The following DDAH1 variants were observed in gnomAD, a reference collection of about 807,000 sequenced individuals.
DDAH1 encodes the protein dimethylarginine dimethylaminohydrolase 1.
DDAH1 carries 19 observed loss-of-function variants against 28.8 expected under a neutral mutation model. The ratio of observed to expected loss-of-function variants is 0.66; its 90% CI spans 0.46 to 0.97. DDAH1 has a LOEUF of 0.97. Among genes scored for constraint, DDAH1 ranks in the 50% least tolerant of loss-of-function variants. The probability of loss-of-function intolerance (pLI) is 0.00; values close to 1 mark genes in which losing one functional copy is unlikely to be tolerated. For missense variants in DDAH1, 326 were observed against 375.9 expected (o/e 0.87, Z 1.10); for synonymous variants, 153 against 154.4 (o/e 0.99, Z 0.07).
chr1:85,372,069 T>C lies in DDAH1; in HGVS notation c.304-13222A>G, dbSNP rs536355652. 8.5e-5 allele frequency among the ~76,000 whole-genome samples: 13 copies of C among 152,194 alleles called. No homozygotes were observed. In the South Asian group the frequency reaches 2.5e-3, roughly 29 times the overall value. On this transcript the variant is annotated intron_variant, in intron 1 of 5. Transcript: ENST00000284031. ...GTGTTATTAAAGCCTTCATTAGAGATGGTTGTGAAAGGCCCTAGTCAGGAT... is the reference window on the plus strand; with the variant it reads ...GTGTTATTAAAGCCTTCATTAGAGACGGTTGTGAAAGGCCCTAGTCAGGAT...
intron 1 of DDAH1, among the ~76,000 whole-genome samples, chr1:85,511,058 C>T (rs1657207970): frequency 6.6e-6 from 1 of 152,210 alleles, no homozygotes; most frequent in African/African-American, 2.4e-5. Context: ...TTCTTCTCAG[C>T]ACCATATCGC....
chr1:85,341,730 G>A (rs1340255944), intron 4 of DDAH1, among the ~76,000 whole-genome samples: 1 of 152,026 alleles, frequency 6.6e-6, no homozygotes, highest in East Asian at 1.9e-4. Flanking sequence ...GAAGAATGGC[G>A]TGAACCCGGG....
At chr1:85,452,932 C>T (rs1168499766) in intron 1 of DDAH1, among the ~76,000 whole-genome samples, 3 of 152,278 alleles carry the variant, frequency 2.0e-5, no homozygotes, top group Middle Eastern at 3.4e-3. Flanking sequence ...CACAATACCA[C>T]CAAGCATTCA....
intron 1 of DDAH1, among the ~76,000 whole-genome samples, chr1:85,529,721 G>C (rs1455702080): frequency 1.4e-5 from 2 of 143,990 alleles, no homozygotes; most frequent in African/African-American, 5.2e-5. Context: ...GGCCAGGCAG[G>C]GTGCTATCCT....
At chr1:85,503,260 A>G (rs977095519) in intron 1 of DDAH1, among the ~76,000 whole-genome samples, 2 of 152,156 alleles carry the variant, frequency 1.3e-5, no homozygotes, top group Admixed American at 6.6e-5. Context: ...GCTGGAGTGC[A>G]ATGGTGTGGT....
intron 1 of DDAH1, among the ~76,000 whole-genome samples, chr1:85,390,108 C>T (rs1483413179): frequency 6.6e-6 from 1 of 152,144 alleles, no homozygotes; most frequent in Non-Finnish European, 1.5e-5. Context: ...AAGCCCAGTC[C>T]TGCCTCAGTG....
At chr1:85,333,943 A>G (rs1570387599) in intron 4 of DDAH1, among the ~76,000 whole-genome samples, 1 of 152,232 alleles carries the variant, frequency 6.6e-6, no homozygotes, top group Admixed American at 6.5e-5. Flanking sequence ...AGATTCCAAA[A>G]TAGATACAAC....
At chr1:85,384,755 AG>A (rs1651166345) in intron 1 of DDAH1, among the ~76,000 whole-genome samples, 2 of 152,240 alleles carry the variant, frequency 1.3e-5, no homozygotes, top group South Asian at 4.1e-4. Context: ...TTAAACAATG[AG>A]GAACAACATT....
chr1:85,434,064 T>C (rs940369978), intron 1 of DDAH1, among the ~76,000 whole-genome samples: 1 of 152,318 alleles, frequency 6.6e-6, no homozygotes, highest in African/African-American at 2.4e-5. Flanking sequence ...TCAAAGTGAT[T>C]GATTTTTCCT....
At chr1:85,477,562 CA>C (rs1655844628) in intron 2 of DDAH1, among the ~76,000 whole-genome samples, 1 of 152,042 alleles carries the variant, frequency 6.6e-6, no homozygotes, top group Non-Finnish European at 1.5e-5. Context: ...GATTAACTCA[CA>C]CCAAGATTAT....
intron 1 of DDAH1, among the ~76,000 whole-genome samples, chr1:85,455,516 C>A (rs1654846287): frequency 6.6e-6 from 1 of 152,082 alleles, no homozygotes; most frequent in Admixed American, 6.6e-5. Context: ...AGAAAACTAA[C>A]AGTTCAGCAT....
At position 85,465,024 on chromosome 1, in the gene DDAH1, C is replaced by G; in HGVS notation, c.22G>C (p.Ala8Pro). The G allele has an allele frequency of 7.5e-7, 1 of 1,325,506 alleles. No homozygotes were observed. The highest frequency in any genetic ancestry group is 2.0e-5 in the South Asian group (1 of 48,794). 82.1% of individuals were successfully genotyped at this position (1,325,506 alleles called of 1,614,324 possible). The change falls in exon 1 of 6, where the codon GCC becomes CCC. Residue 8 changes from alanine (A) to proline (P), a missense_variant. Coordinates refer to ENST00000284031, the MANE Select transcript of DDAH1 (RefSeq NM_012137.4). ...GCGTGGGTGGCCCGGCCGAAGGCGG[C>G]GGGGTGGCCGAGCCCGGCCATGGCT... MAGLGHPAAFGRATHAVV... is the reference protein window; with the variant it reads MAGLGHPPAFGRATHAVV...
chr1:85,396,089 A>G (rs946137319), intron 1 of DDAH1, among the ~76,000 whole-genome samples: 2 of 152,174 alleles, frequency 1.3e-5, no homozygotes, highest in African/African-American at 4.8e-5. Flanking sequence ...TATTTTAATT[A>G]TCATTGTGGC....
chr1:85,434,097 T>A (rs912085495), intron 1 of DDAH1, among the ~76,000 whole-genome samples: 14 of 152,212 alleles, frequency 9.2e-5, no homozygotes, highest in Non-Finnish European at 1.8e-4. Flanking sequence ...TTGTTCCACT[T>A]ACACTGTTTC....
At position 85,321,437 on chromosome 1, in the gene DDAH1, G is replaced by C. The variant is rs199952327; in HGVS notation, c.*15C>G. 1.6e-4 allele frequency: 257 copies of C among 1,581,100 alleles called. No individual in the cohort carries two copies. The African/African-American group carries it at 3.1e-3, about 19-fold the overall frequency. On this transcript the variant is annotated 3_prime_UTR_variant, in exon 6 of 6. Transcript: ENST00000284031. ...CCTGTGCGGTCTTGCCGGCTACCGG[G>C]GGGGACTCTGCAGCTCAGGAGTCTA...
chr1:85,364,498 T>A (rs2100870405), intron 1 of DDAH1, among the ~76,000 whole-genome samples: 1 of 152,272 alleles, frequency 6.6e-6, no homozygotes, highest in African/African-American at 2.4e-5. Context: ...TGGAGATGCC[T>A]TAGGTTTGTT....
intron 1 of DDAH1, among the ~76,000 whole-genome samples, chr1:85,497,157 G>T (rs1570609619): frequency 6.6e-6 from 1 of 152,126 alleles, no homozygotes; most frequent in Admixed American, 6.5e-5. Context: ...CAACTGGAAG[G>T]CCAGCCACAG....
At chr1:85,421,504 T>C (rs972587719) in intron 1 of DDAH1, among the ~76,000 whole-genome samples, 1 of 152,172 alleles carries the variant, frequency 6.6e-6, no homozygotes, top group Admixed American at 6.6e-5. Flanking sequence ...TTATTCTTTG[T>C]GCTGTGAAGT....
chr1:85,324,692 C>G (rs778986581), intron 5 of DDAH1, 48 bp downstream of exon 5: 2 of 1,607,000 alleles, frequency 1.2e-6, no homozygotes, highest in Admixed American at 1.7e-5. Flanking sequence ...GAAAAAATCC[C>G]CAGGGAGGCT....
Sources: allele counts gnomAD v4.1 joint callset (sites outside exome capture counted in the v4.1 genomes callset), GRCh38; gene constraint gnomAD v4.1.1; transcripts MANE v1.5; gene names NCBI Gene and HGNC (gene_info 2026-07-23, HGNC 2026-07-21).